The following NUP160 variants were observed in gnomAD, a reference collection of about 807,000 sequenced individuals.
NUP160 encodes the protein nucleoporin 160.
Under a neutral mutation model 196.9 loss-of-function variants are expected in NUP160, and 94 were observed. The observed-to-expected ratio is 0.48, with a 90% CI of 0.40 to 0.57. The LOEUF is 0.57. NUP160 is among the 20% of genes least tolerant of loss of function. The probability of loss-of-function intolerance (pLI) is 0.00; values close to 1 mark genes in which losing one functional copy is unlikely to be tolerated. For missense variants in NUP160, 1,638 were observed against 1,748.3 expected (o/e 0.94, Z 1.13); for synonymous variants, 605 against 619.7 (o/e 0.98, Z 0.35).
At chr11:47,808,763 C>A (rs947196138) in intron 17 of NUP160, among the ~76,000 whole-genome samples, 6 of 151,908 alleles carry the variant, frequency 3.9e-5, no homozygotes, top group Admixed American at 3.3e-4. Context: ...TGAAAAGAAA[C>A]CAACAATAAA....
At chr11:47,790,009 G>A (rs1389720635) in intron 29 of NUP160, among the ~76,000 whole-genome samples, 1 of 150,012 alleles carries the variant, frequency 6.7e-6, no homozygotes, top group African/African-American at 2.5e-5. Flanking sequence ...GCAATGGCGC[G>A]ATCTCGGCTC....
intron 2 of NUP160, among the ~76,000 whole-genome samples, chr11:47,843,554 C>G (rs1020581314): frequency 5.3e-5 from 8 of 152,272 alleles, no homozygotes; most frequent in Non-Finnish European, 1.0e-4. Context: ...TGGCTCTCAA[C>G]TGGGGGCGAT....
intron 17 of NUP160, among the ~76,000 whole-genome samples, chr11:47,811,256 C>T (rs146856510): frequency 0.026 from 3,995 of 152,192 alleles, 65 homozygotes; most frequent in Non-Finnish European, 0.04. Flanking sequence ...TGCCTGTAAT[C>T]CCAGCACTTT....
At chr11:47,783,373 T>TA (rs1289073207) in intron 33 of NUP160, among the ~76,000 whole-genome samples, 175 bp from the exon 34 acceptor site, 1 of 150,664 alleles carries the variant, frequency 6.6e-6, no homozygotes, top group Non-Finnish European at 1.5e-5. Context: ...TCTGGGGAGT[T>TA]AGGAAAAAAA....
exon 23 of NUP160, chr11:47,801,874 A>G (rs1051815741): frequency 1.2e-6 from 2 of 1,613,788 alleles, no homozygotes; most frequent in Non-Finnish European, 1.7e-6. Flanking sequence ...GAATCAAGCG[A>G]TCCAAGAATT....
At position 47,840,594 on chromosome 11, in the gene NUP160, GA is replaced by G. The variant is rs759806959; in HGVS notation, c.315-7del. 2 of 1,563,142 alleles carry G rather than the reference GA, an allele frequency of 1.3e-6. No individual in the cohort carries two copies. Among genetic ancestry groups the G allele is most frequent in the Non-Finnish European group, 1.7e-6 (2 of 1,151,136 alleles). On this transcript the variant is annotated splice_polypyrimidine_tract_variant and splice_region_variant and intron_variant, in intron 2 of 35. Transcript: ENST00000378460. ...ATGTATCTCCAGAGGTCTTCCTGTT[GA>G]AAAAGAGACATTTGTTTGAAAAGTT...
intron 2 of NUP160, among the ~76,000 whole-genome samples, chr11:47,841,015 TATACAC>T (rs1438494643): frequency 7.3e-6 from 1 of 137,042 alleles, no homozygotes; most frequent in Non-Finnish European, 1.6e-5. Context: ...TGCGCACACA[TATACAC>T]ACACACACAC....
At chr11:47,813,371 C>A (rs2097682264) in exon 14 of NUP160, 3 of 1,612,098 alleles carry the variant, frequency 1.9e-6, no homozygotes, top group East Asian at 2.2e-5. Flanking sequence ...GCAGGAGATA[C>A]AAATGATCCA....
exon 26 of NUP160, chr11:47,798,011 A>G: frequency 6.3e-7 from 1 of 1,581,388 alleles, no homozygotes; most frequent in Non-Finnish European, 8.6e-7. Context: ...GAAACTCTAC[A>G]AGATCCTGTA....
At chr11:47,822,065 T>C (rs369809652) in intron 8 of NUP160, 22 bp downstream of exon 8, 50 of 1,499,218 alleles carry the variant, frequency 3.3e-5, no homozygotes, top group Non-Finnish European at 4.6e-5. Context: ...TTATGTGATA[T>C]GCAAAGGATG....
At chr11:47,830,702 A>T (rs1275890768) in intron 7 of NUP160, among the ~76,000 whole-genome samples, 1 of 152,142 alleles carries the variant, frequency 6.6e-6, no homozygotes, top group Non-Finnish European at 1.5e-5. Context: ...ATTAGGGTCT[A>T]CTTGAGGGTG....
rs71308358 is a variant in NUP160, at chr11:47,819,313, A to AG, written c.1362+60_1362+61insC. On this transcript the variant is annotated intron_variant, in intron 10 of 35. Transcript: ENST00000378460. ...GGGCCACAGAGCGAGACTCTGTCTC[A>AG]AAAAAAAAAAAAAGATCAAAGTAAA... The AG allele has an allele frequency of 1.2e-5, 3 of 259,392 alleles. No individual in the cohort carries two copies. In the Admixed American group the frequency reaches 2.3e-4, roughly 20 times the overall value. 16.1% of individuals were successfully genotyped at this position (259,392 alleles called of 1,614,324 possible).
chr11:47,812,148 C>A (rs1436250447), exon 17 of NUP160: 1 of 1,613,896 alleles, frequency 6.2e-7, no homozygotes. Flanking sequence ...TTTTATGCAC[C>A]CCTCTGCACA....
exon 13 of NUP160, chr11:47,815,526 C>A (rs748706880): frequency 3.7e-6 from 6 of 1,611,042 alleles, no homozygotes; most frequent in Non-Finnish European, 5.1e-6. Flanking sequence ...AAATGTAGGG[C>A]AAGAGGGTGA....
intron 20 of NUP160, among the ~76,000 whole-genome samples, chr11:47,805,168 C>T (rs1447959716): frequency 2.0e-5 from 3 of 150,680 alleles, no homozygotes; most frequent in African/African-American, 4.9e-5. Flanking sequence ...CTCACTCTGT[C>T]GCCAGGGCTG....
At chr11:47,845,032 T>C (rs1243783851) in intron 2 of NUP160, among the ~76,000 whole-genome samples, 1 of 152,206 alleles carries the variant, frequency 6.6e-6, no homozygotes, top group East Asian at 1.9e-4. Context: ...GTCTAAAAAG[T>C]GGGGGCATGA....
At chr11:47,830,997 C>G (rs1852062706) in intron 7 of NUP160, among the ~76,000 whole-genome samples, 1 of 152,122 alleles carries the variant, frequency 6.6e-6, no homozygotes, top group Non-Finnish European at 1.5e-5. Context: ...AACCCCGTCT[C>G]TACAAAAACA....
intron 34 of NUP160, among the ~76,000 whole-genome samples, chr11:47,782,527 A>G (rs1031650406): frequency 2.0e-5 from 3 of 151,026 alleles, no homozygotes; most frequent in African/African-American, 4.9e-5. Context: ...TTAACCTATA[A>G]AGTTGGGCAA....
At chr11:47,840,558 C>G in exon 3 of NUP160, 5 of 1,611,562 alleles carry the variant, frequency 3.1e-6, no homozygotes, top group Non-Finnish European at 4.2e-6. Flanking sequence ...GTGACTCCTC[C>G]ATCAGCTCCA....
Sources: gnomAD v4.1 joint callset for allele counts (sites outside exome capture counted in the v4.1 genomes callset) on GRCh38, gnomAD v4.1.1 for gene constraint, MANE v1.5 for transcripts, NCBI Gene and HGNC (gene_info 2026-07-23, HGNC 2026-07-21) for gene names.